The following DPYD variants were observed in gnomAD, a reference collection of about 807,000 sequenced individuals.
The protein encoded by DPYD is dihydropyrimidine dehydrogenase, also known as dihydropyrimidine dehydrogenase [NADP(+)].
In DPYD, 109 loss-of-function variants were observed where a neutral mutation model predicts 116.2. The observed-to-expected ratio is 0.94, with a 90% CI of 0.80 to 1.10. The LOEUF (loss-of-function observed/expected upper bound fraction) is 1.10, where lower values mean the gene tolerates loss of function less well. Ranked by LOEUF, DPYD falls within the 50% of genes least tolerant of loss-of-function variation. The pLI is 0.00. For synonymous variants in DPYD, 440 were observed against 432.0 expected, an observed-to-expected ratio of 1.02 and a Z score of -0.23; for missense variants, 1,302 against 1,254.5, an observed-to-expected ratio of 1.04 and a Z score of -0.57.
At chr1:97,912,720 T>C (rs1298720312) in intron 1 of DPYD, among the ~76,000 whole-genome samples, 1 of 152,054 alleles carries the variant, frequency 6.6e-6, no homozygotes, top group Non-Finnish European at 1.5e-5. Flanking sequence ...ACACTAAAAG[T>C]TAACAGGAAT....
chr1:97,183,823 G>T (rs984911174), intron 20 of DPYD, among the ~76,000 whole-genome samples: 1 of 151,964 alleles, frequency 6.6e-6, no homozygotes, highest in Admixed American at 6.6e-5. Context: ...AGGTAAACTC[G>T]TGTCATGGGG....
At chr1:97,235,852 C>T (rs148385144) in intron 18 of DPYD, among the ~76,000 whole-genome samples, 22 of 152,028 alleles carry the variant, frequency 1.4e-4, no homozygotes, top group African/African-American at 5.1e-4. Context: ...GGAGTCTAAT[C>T]CAATTTTTCA....
intron 13 of DPYD, among the ~76,000 whole-genome samples, chr1:97,476,565 TA>T: frequency 6.6e-6 from 1 of 152,250 alleles, no homozygotes; most frequent in African/African-American, 2.4e-5. Context: ...GAACTGTTAG[TA>T]GAATTTACAC....
chr1:97,621,860 T>C (rs1656651072), intron 8 of DPYD, among the ~76,000 whole-genome samples: 1 of 151,838 alleles, frequency 6.6e-6, no homozygotes, highest in Non-Finnish European at 1.5e-5. Flanking sequence ...CGCACAGATG[T>C]AGATATATTA....
intron 12 of DPYD, among the ~76,000 whole-genome samples, chr1:97,521,866 C>A (rs1028643828): frequency 1.3e-5 from 2 of 152,106 alleles, no homozygotes; most frequent in Non-Finnish European, 2.9e-5. Context: ...ATGCCGAAAA[C>A]TGAAACTGGA....
chr1:97,797,082 A>G (rs1291783247), intron 3 of DPYD: 3 of 152,148 alleles, frequency 2.0e-5, no homozygotes, highest in African/African-American at 7.2e-5. Flanking sequence ...AGTAATGATC[A>G]AATTGCCAGT....
At chr1:97,751,460 G>GTGTGTGTGTGTGTATA (rs763260651) in intron 3 of DPYD, among the ~76,000 whole-genome samples, 10 of 21,286 alleles carry the variant, frequency 4.7e-4, no homozygotes, top group Admixed American at 9.2e-4. Flanking sequence ...GTGTGTGTGT[G>GTGTGTGTGTGTGTATA]TATATATATA....
chr1:97,173,332 ATGTG>A (rs1251540831), intron 20 of DPYD, among the ~76,000 whole-genome samples: 2 of 145,920 alleles, frequency 1.4e-5, no homozygotes, highest in Non-Finnish European at 3.1e-5. Context: ...ATACACATAT[ATGTG>A]TATATATGCA....
intron 18 of DPYD, among the ~76,000 whole-genome samples, chr1:97,238,834 C>A (rs1428915903): frequency 1.3e-5 from 2 of 152,092 alleles, no homozygotes; most frequent in Non-Finnish European, 2.9e-5. Flanking sequence ...AGGTAACATG[C>A]AATTTAAATT....
intron 9 of DPYD, 95 bp downstream of exon 9, chr1:97,594,964 G>C: frequency 1.0e-6 from 1 of 1,000,112 alleles, no homozygotes. Flanking sequence ...GGGTGTGAGA[G>C]CTGAACAATG....
intron 18 of DPYD, among the ~76,000 whole-genome samples, chr1:97,289,192 T>G (rs1227736468): frequency 6.6e-6 from 1 of 152,038 alleles, no homozygotes; most frequent in African/African-American, 2.4e-5. Flanking sequence ...GTGGCAATAA[T>G]CAATAGCTTA....
chr1:97,333,752 C>T (rs1016234076), intron 16 of DPYD, among the ~76,000 whole-genome samples: 4 of 151,892 alleles, frequency 2.6e-5, no homozygotes, highest in Admixed American at 1.3e-4. Flanking sequence ...GATCTCCTGA[C>T]CTCGTGATCC....
chr1:97,371,318 T>C (rs966162460), intron 16 of DPYD, among the ~76,000 whole-genome samples: 6 of 152,220 alleles, frequency 3.9e-5, no homozygotes, highest in Non-Finnish European at 4.4e-5. Context: ...TTAATCAGGC[T>C]CTGACCATGC....
At chr1:97,907,258 T>G (rs1483036733) in intron 1 of DPYD, among the ~76,000 whole-genome samples, 1 of 152,150 alleles carries the variant, frequency 6.6e-6, no homozygotes, top group African/African-American at 2.4e-5. Flanking sequence ...ACTGCTGTGT[T>G]TAATTTTTAG....
intron 12 of DPYD, among the ~76,000 whole-genome samples, chr1:97,530,651 G>A (rs1649548871): frequency 6.6e-6 from 1 of 152,180 alleles, no homozygotes; most frequent in African/African-American, 2.4e-5. Flanking sequence ...CCAGAAGTGG[G>A]ACTGTTGGAT....
At chr1:97,576,106 A>G (rs1394356730) in intron 10 of DPYD, among the ~76,000 whole-genome samples, 1 of 152,186 alleles carries the variant, frequency 6.6e-6, no homozygotes, top group African/African-American at 2.4e-5. Context: ...AATAATTCAA[A>G]TTACAAAATA....
chr1:97,831,686 T>A (rs1486907934), intron 2 of DPYD, among the ~76,000 whole-genome samples: 1 of 151,670 alleles, frequency 6.6e-6, no homozygotes, highest in African/African-American at 2.4e-5. Context: ...ATGAGAAACC[T>A]ACAACCATCA....
At chr1:97,551,677 A>G (rs7540983) in intron 11 of DPYD, among the ~76,000 whole-genome samples, 17,545 of 152,160 alleles carry the variant, frequency 0.12, 1,155 homozygotes, top group African/African-American at 0.17. Context: ...TCTATGCTTG[A>G]GCAAGGTAGG....
intron 16 of DPYD, among the ~76,000 whole-genome samples, chr1:97,324,361 G>A (rs74104365): frequency 8.9e-4 from 135 of 152,120 alleles, no homozygotes; most frequent in African/African-American, 3.2e-3. Context: ...TTCCTGACAA[G>A]TTGCTGACCT....
Sources: gnomAD v4.1 joint callset for allele counts (sites outside exome capture counted in the v4.1 genomes callset) on GRCh38, gnomAD v4.1.1 for gene constraint, MANE v1.5 for transcripts, NCBI Gene and HGNC (gene_info 2026-07-23, HGNC 2026-07-21) for gene names.